The following KATNIP variants were observed in gnomAD, a reference collection of about 807,000 sequenced individuals.
KATNIP encodes the protein katanin interacting protein.
A neutral mutation model predicts 174.0 loss-of-function variants in KATNIP; 126 were observed. The observed-to-expected ratio is 0.72, with a 90% CI of 0.63 to 0.84. KATNIP has a LOEUF of 0.84. Ranked by LOEUF, KATNIP falls within the 40% of genes least tolerant of loss-of-function variation. The probability of loss-of-function intolerance (pLI) is 0.00; values close to 1 mark genes in which losing one functional copy is unlikely to be tolerated. For missense variants in KATNIP, 1,958 were observed against 2,109.7 expected (o/e 0.93, Z 1.41); for synonymous variants, 810 against 835.7 (o/e 0.97, Z 0.53).
chr16:27,718,951 C>T (rs992757632), intron 13 of KATNIP: 1 of 152,302 alleles, frequency 6.6e-6, no homozygotes, highest in Non-Finnish European at 1.5e-5. Context: ...AATAAAACCC[C>T]AGATCAGCCA....
chr16:27,754,116 T>G, intron 17 of KATNIP, 57 bp from the exon 18 acceptor site: 1 of 1,406,204 alleles, frequency 7.1e-7, no homozygotes, highest in Non-Finnish European at 1.0e-6. Context: ...GCCAGCTAGC[T>G]GTGTGGGTAT....
At chr16:27,577,778 C>T (rs1380799044) in intron 2 of KATNIP, among the ~76,000 whole-genome samples, 3 of 151,982 alleles carry the variant, frequency 2.0e-5, no homozygotes, top group African/African-American at 7.3e-5. Context: ...GAGGCTGAGG[C>T]GGGAGTATCG....
intron 12 of KATNIP, 126 bp downstream of exon 12, chr16:27,704,124 C>G (rs569909114): frequency 8.9e-5 from 62 of 695,810 alleles, no homozygotes; most frequent in African/African-American, 8.4e-4. Flanking sequence ...TTTCCACCGC[C>G]CCCCCCCTCC....
At chr16:27,688,729 C>T (rs2078610245) in intron 8 of KATNIP, among the ~76,000 whole-genome samples, 1 of 152,240 alleles carries the variant, frequency 6.6e-6, no homozygotes, top group African/African-American at 2.4e-5. Context: ...AGAGAACACA[C>T]TTTGAGACCC....
intron 19 of KATNIP, 76 bp from the exon 20 acceptor site, chr16:27,766,233 G>T: frequency 6.5e-7 from 1 of 1,527,358 alleles, no homozygotes; most frequent in South Asian, 1.2e-5. Flanking sequence ...TTGGGGCCGA[G>T]GGGGTGGGGG....
Position 27,641,451 on chromosome 16 carries a change from G to A in KATNIP, c.409-7153G>A, listed in dbSNP as rs149492556. Among the ~76,000 whole-genome samples the A allele has an allele frequency of 2.0e-4, 30 of 152,146 alleles. No homozygotes were observed. In the East Asian group the frequency reaches 5.4e-3, roughly 28 times the overall value. On this transcript the variant is annotated intron_variant, in intron 5 of 27. Coordinates refer to ENST00000261588, the MANE Select transcript of KATNIP (RefSeq NM_015202.5). The stretch of plus-strand genomic sequence containing the variant: ...CAATCACTGGGGGGACAGGGGAATC[G>A]CATGCTCTGATTGGCTAGGCCTGGG...
chr16:27,689,223 C>T (rs1017128932), intron 8 of KATNIP, among the ~76,000 whole-genome samples: 1 of 152,194 alleles, frequency 6.6e-6, no homozygotes, highest in African/African-American at 2.4e-5. Context: ...TGAGACCAGC[C>T]TGGCCAACAT....
At chr16:27,600,979 C>T (rs1054217946) in intron 2 of KATNIP, among the ~76,000 whole-genome samples, 4 of 151,978 alleles carry the variant, frequency 2.6e-5, no homozygotes, top group Admixed American at 6.6e-5. Context: ...GTGATCCACC[C>T]GCCTCAGCCT....
intron 2 of KATNIP, among the ~76,000 whole-genome samples, chr16:27,612,766 A>G (rs2075929687): frequency 6.6e-6 from 1 of 151,044 alleles, no homozygotes; most frequent in Admixed American, 6.6e-5. Context: ...CTCAAAAAGA[A>G]AAAAAAAAGA....
At chr16:27,614,818 C>T (rs576127709) in intron 2 of KATNIP, among the ~76,000 whole-genome samples, 2 of 151,968 alleles carry the variant, frequency 1.3e-5, no homozygotes, top group African/African-American at 4.8e-5. Flanking sequence ...AGTAGAGGCT[C>T]CAGGGGAAGA....
At chr16:27,624,056 G>C (rs1382083257) in intron 3 of KATNIP, among the ~76,000 whole-genome samples, 1 of 152,190 alleles carries the variant, frequency 6.6e-6, no homozygotes, top group Non-Finnish European at 1.5e-5. Context: ...GATAGACTGG[G>C]TTAAAGCTCT....
rs193079032 is a variant in KATNIP at position 27,584,866 on chromosome 16, T to G, written c.63+10910T>G. On this transcript the variant is annotated intron_variant, in intron 2 of 27. Coordinates refer to ENST00000261588, the MANE Select transcript of KATNIP (RefSeq NM_015202.5). ...ATGCCCTATAAGGCAAGGAATATTA[T>G]CCTTATCTTACATGAGAGGAAGTCT... Among the ~76,000 whole-genome samples the G allele has an allele frequency of 3.8e-3, 572 of 152,256 alleles. 2 individuals carry two copies. Among genetic ancestry groups the G allele is most frequent in the Non-Finnish European group, 6.4e-3 (434 of 68,018 alleles).
chr16:27,556,751 C>T (rs551176446), intron 1 of KATNIP, among the ~76,000 whole-genome samples: 1 of 152,140 alleles, frequency 6.6e-6, no homozygotes, highest in Non-Finnish European at 1.5e-5. Context: ...GGTGATTTGT[C>T]TGTTTCTCTT....
In KATNIP at chr16:27,631,113, G is replaced by T; in HGVS notation, c.359G>T (p.Arg120Leu). Residue 120 changes from arginine (R) to leucine (L), a missense_variant, in exon 5 of 28, where the codon CGC becomes CTC. Around this residue, in one of 3 missense-constraint regions of KATNIP, gnomAD observed 1,557 missense variants for 1,617.8 expected, o/e 0.96. Transcript: ENST00000261588. ...CGAGAAGCTGAAGAAGCCTTAAGAC[G>T]CAGTTCACGGACAGCCCCCAGTAAA... Reference protein sequence around the residue: ...LFREAEEALRRSSRTAPSKVQ... With the variant: ...LFREAEEALRLSSRTAPSKVQ... 5 of 1,578,650 alleles carry T rather than the reference G, an allele frequency of 3.2e-6. No individual in the cohort carries two copies. Among genetic ancestry groups the T allele is most frequent in the Non-Finnish European group, 4.3e-6 (5 of 1,161,082 alleles).
In KATNIP at chr16:27,749,879, T is replaced by G; in HGVS notation, c.2919T>G (p.Tyr973Ter). 1 of 1,614,198 alleles carries G rather than the reference T, an allele frequency of 6.2e-7. No homozygotes were observed. Among genetic ancestry groups the G allele is most frequent in the African/African-American group, 1.3e-5 (1 of 75,064 alleles). ...GGDFKIPVLP[Y>*]GQRLVIDIKS... ...ACTTTAAAATCCCCGTCTTGCCTTA[T>G]GGACAGCGCTTGGTCATTGACATCA... is the stretch of plus-strand genomic sequence containing the variant. The change falls in exon 16 of 28, where the codon TAT becomes TAG. Residue 973 changes from tyrosine (Y) to a stop codon, truncating the protein, a stop_gained. Coordinates refer to ENST00000261588, the MANE Select transcript of KATNIP (RefSeq NM_015202.5). LOFTEE classifies it high-confidence loss of function.
rs2082627531 is a variant in KATNIP at position 27,779,784 on chromosome 16, A to G, written c.*1155A>G. 1 of 152,184 alleles carries G rather than the reference A, an allele frequency of 6.6e-6. No individual in the cohort carries two copies. Among genetic ancestry groups the G allele is most frequent in the African/African-American group, 2.4e-5 (1 of 41,414 alleles). 9.4% of individuals were successfully genotyped at this position (152,184 alleles called of 1,614,324 possible). ...GGATCAGGGACCTAATTGGTTTCCC[A>G]GTAGTGGGTAATTTCTCGTTGCAAA... On this transcript the variant is annotated 3_prime_UTR_variant, in exon 28 of 28. Transcript: ENST00000261588.
Position 27,690,315 on chromosome 16 carries a change from C to CAGATAGATAGATAGATAGATAGAT in KATNIP, c.941-7988_941-7965dup, listed in dbSNP as rs3056270. 6.4e-4 allele frequency among the ~76,000 whole-genome samples: 82 copies of CAGATAGATAGATAGATAGATAGAT among 128,744 alleles called. 2 individuals are homozygous for CAGATAGATAGATAGATAGATAGAT. The highest frequency in any genetic ancestry group is 3.2e-3 in the South Asian group (12 of 3,702). The allele number at this position is 128,744 out of a possible 152,430, so 84.5% of individuals were successfully genotyped here. A position where few individuals can be genotyped will look rare whatever the true frequency, so the allele number is the denominator to read the frequency against. On this transcript the variant is annotated intron_variant, in intron 8 of 27. Transcript: ENST00000261588. ...CGGGTGACAGAGTGAGACCCCATCT[C>CAGATAGATAGATAGATAGATAGAT]AGATAGATAGATAGATAGATAGATA...
chr16:27,646,885 T>TC (rs1279606458), intron 5 of KATNIP, among the ~76,000 whole-genome samples: 1 of 151,834 alleles, frequency 6.6e-6, no homozygotes, highest in African/African-American at 2.4e-5. Context: ...GTTGCTTTCC[T>TC]CCCCCCAGCA....
At chr16:27,772,631 A>G (rs2082346552) in intron 22 of KATNIP, among the ~76,000 whole-genome samples, 1 of 152,170 alleles carries the variant, frequency 6.6e-6, no homozygotes, top group Non-Finnish European at 1.5e-5. Context: ...CCTCCTGTTT[A>G]CTTGAAAGGG....
Sources: gnomAD v4.1 joint callset for allele counts (sites outside exome capture counted in the v4.1 genomes callset) on GRCh38, gnomAD v4.1.1 for gene constraint, gnomAD v4.1.1 regional missense constraint, MANE v1.5 for transcripts, NCBI Gene and HGNC (gene_info 2026-07-23, HGNC 2026-07-21) for gene names.